Variants in TENM3 observed in about 807,000 individuals in gnomAD.
TENM3 encodes the protein teneurin-3.
Under a neutral mutation model 255.1 loss-of-function variants are expected in TENM3, and 63 were observed. That is an observed-to-expected ratio of 0.25 (90% confidence interval 0.20 to 0.30). The LOEUF (loss-of-function observed/expected upper bound fraction) is 0.30. TENM3 is among the 10% of genes least tolerant of loss of function. The pLI is 1.00. For missense variants in TENM3, 2,929 were observed against 3,461.1 expected (o/e 0.85, Z 3.86); for synonymous variants, 1,306 against 1,322.3 (o/e 0.99, Z 0.27).
chr4:182,011,360 T>A, the TENM3 span, among the ~76,000 whole-genome samples: 5 of 152,156 alleles, frequency 3.3e-5, no homozygotes, highest in African/African-American at 1.2e-4. Flanking sequence ...CATATCCAGA[T>A]CCACTTGATT....
At chr4:182,709,282 T>C (rs1421402994) in intron 12 of TENM3, among the ~76,000 whole-genome samples, 8 of 152,224 alleles carry the variant, frequency 5.3e-5, no homozygotes, top group African/African-American at 1.9e-4. Flanking sequence ...CGCATCCAGC[T>C]CTGGAAAATA....
chr4:182,516,729 A>G (rs1737994379), intron 3 of TENM3, among the ~76,000 whole-genome samples: 1 of 152,086 alleles, frequency 6.6e-6, no homozygotes, highest in Non-Finnish European at 1.5e-5. Context: ...CATCTCCTCT[A>G]AAAATATAAA....
the TENM3 span, among the ~76,000 whole-genome samples, chr4:181,561,829 A>T: frequency 6.6e-6 from 1 of 152,216 alleles, no homozygotes; most frequent in African/African-American, 2.4e-5. Context: ...CTGTTCAAAG[A>T]GTATGAACAA....
At chr4:182,468,322 C>T (rs751840894) in intron 3 of TENM3, among the ~76,000 whole-genome samples, 9 of 152,148 alleles carry the variant, frequency 5.9e-5, no homozygotes, top group Non-Finnish European at 8.8e-5. Context: ...TGACAGTGGT[C>T]AGATTTCCGC....
chr4:181,623,855 G>C, the TENM3 span, among the ~76,000 whole-genome samples: 1 of 152,186 alleles, frequency 6.6e-6, no homozygotes. Context: ...GAGCTTAAAA[G>C]TGAAATATGA....
the TENM3 span, among the ~76,000 whole-genome samples, chr4:181,761,227 T>C: frequency 6.6e-6 from 1 of 152,144 alleles, no homozygotes; most frequent in Non-Finnish European, 1.5e-5. Flanking sequence ...TACAGTGTAT[T>C]ATCATTGTCA....
the TENM3 span, among the ~76,000 whole-genome samples, chr4:181,588,635 T>G: frequency 6.6e-6 from 1 of 152,188 alleles, no homozygotes; most frequent in East Asian, 1.9e-4. Context: ...TATGGGATAT[T>G]AATAGCTAGA....
chr4:182,496,277 A>C (rs1035498857), intron 3 of TENM3, among the ~76,000 whole-genome samples: 1 of 152,086 alleles, frequency 6.6e-6, no homozygotes, highest in South Asian at 2.1e-4. Context: ...AAACAGAGCT[A>C]ATTTATTTAG....
chr4:182,576,960 T>G (rs544733211), intron 3 of TENM3, among the ~76,000 whole-genome samples: 10 of 152,278 alleles, frequency 6.6e-5, no homozygotes, highest in Non-Finnish European at 1.2e-4. Flanking sequence ...CTTCCAGGCT[T>G]CCTTTCCTGC....
the TENM3 span, among the ~76,000 whole-genome samples, chr4:181,737,895 C>T: frequency 2.0e-5 from 3 of 150,784 alleles, no homozygotes; most frequent in Non-Finnish European, 4.4e-5. Flanking sequence ...ATCAGGCACA[C>T]GAGATTGGTG....
intron 5 of TENM3, among the ~76,000 whole-genome samples, chr4:182,650,812 T>C (rs955202386): frequency 8.4e-4 from 114 of 135,554 alleles, no homozygotes; most frequent in African/African-American, 2.6e-3. Flanking sequence ...ATAATATTTC[T>C]GGATATGAGT....
At chr4:182,116,891 C>A in the TENM3 span, among the ~76,000 whole-genome samples, 1 of 152,144 alleles carries the variant, frequency 6.6e-6, no homozygotes, top group Non-Finnish European at 1.5e-5. Context: ...TCAAAGTGCA[C>A]CACTCTGCAT....
In TENM3 at chr4:182,680,345, A is replaced by T. The variant is rs750747132; in HGVS notation, c.1635A>T (p.Ser545=). 6.2e-7 allele frequency: 1 copy of T among 1,611,044 alleles called. No individual in the cohort carries two copies. Among genetic ancestry groups the T allele is most frequent in the Admixed American group, 1.7e-5 (1 of 59,970 alleles). The change falls in exon 9 of 28, where the codon TCA becomes TCT. Residue 545 remains serine, a synonymous_variant. Transcript: ENST00000511685. ...CAGGATTTCTGGGTCCGGATTGTTC[A>T]AGAGGTATGCAAGTTAGATTCTTCT... The part of the protein sequence containing the change: ...CFPGFLGPDC[S]RAACPVLCSG...
intron 1 of TENM3, among the ~76,000 whole-genome samples, chr4:182,270,266 A>G (rs965013243): frequency 3.3e-5 from 5 of 152,182 alleles, no homozygotes; most frequent in African/African-American, 1.2e-4. Flanking sequence ...AATTCTCTGT[A>G]GATGCTAATT....
chr4:181,694,689 G>C, the TENM3 span, among the ~76,000 whole-genome samples: 3 of 152,184 alleles, frequency 2.0e-5, no homozygotes, highest in Non-Finnish European at 4.4e-5. Flanking sequence ...CAGAGAATAA[G>C]AATGACCCCA....
intron 1 of TENM3, among the ~76,000 whole-genome samples, chr4:182,182,977 G>A (rs191114753): frequency 1.3e-5 from 2 of 152,226 alleles, no homozygotes; most frequent in Admixed American, 1.3e-4. Flanking sequence ...TAAATACTTG[G>A]TTAACTTTTA....
At chr4:181,683,651 C>T in the TENM3 span, among the ~76,000 whole-genome samples, 5 of 152,184 alleles carry the variant, frequency 3.3e-5, no homozygotes, top group East Asian at 5.8e-4. Flanking sequence ...ATGTGTCAGA[C>T]GAAGCTTTCA....
chr4:182,504,010 T>C (rs1181354560), intron 3 of TENM3, among the ~76,000 whole-genome samples: 1 of 140,302 alleles, frequency 7.1e-6, no homozygotes, highest in Non-Finnish European at 1.6e-5. Flanking sequence ...CTAATTTACA[T>C]ATATATATAT....
At chr4:182,220,710 C>G (rs1314840785) in intron 1 of TENM3, among the ~76,000 whole-genome samples, 1 of 152,210 alleles carries the variant, frequency 6.6e-6, no homozygotes, top group Non-Finnish European at 1.5e-5. Flanking sequence ...GATTACATTA[C>G]ATGGTATTGT....
Sources: allele counts gnomAD v4.1 joint callset (sites outside exome capture counted in the v4.1 genomes callset), GRCh38; gene constraint gnomAD v4.1.1; transcripts MANE v1.5; gene names NCBI Gene and HGNC (gene_info 2026-07-23, HGNC 2026-07-21).